PKHD1: variants seen among roughly 807,000 people sequenced by gnomAD.
PKHD1 encodes the protein fibrocystin.
In PKHD1, 291 loss-of-function variants were observed where a neutral mutation model predicts 412.0. The ratio of observed to expected loss-of-function variants is 0.71; its 90% CI spans 0.64 to 0.78. The LOEUF is 0.78. PKHD1 is among the 30% of genes least tolerant of loss of function. The probability of loss-of-function intolerance (pLI) is 0.00; values close to 1 mark genes in which losing one functional copy is unlikely to be tolerated. For missense variants in PKHD1, 4,825 were observed against 4,950.7 expected, an observed-to-expected ratio of 0.97 and a Z score of 0.76; for synonymous variants, 1,777 against 1,821.5, an observed-to-expected ratio of 0.98 and a Z score of 0.62.
rs12525771 is a variant in PKHD1 at position 51,836,635 on chromosome 6, T to C, written c.8108-166A>G. ...TAATCTAACAATTGATTTCCAACAT[T>C]TGATTTTGATTGCTTTCATTTGATT... On this transcript the variant is annotated intron_variant, in intron 50 of 66. Coordinates refer to ENST00000371117, the MANE Select transcript of PKHD1 (RefSeq NM_138694.4). 0.054 allele frequency among the ~76,000 whole-genome samples: 8,214 copies of C among 152,268 alleles called. 234 individuals are homozygous for C. Among genetic ancestry groups the C allele is most frequent in the South Asian group, 0.074 (358 of 4,820 alleles).
intron 34 of PKHD1, among the ~76,000 whole-genome samples, chr6:52,010,952 TC>T (rs1194919963): frequency 1.3e-5 from 2 of 152,110 alleles, no homozygotes; most frequent in Admixed American, 6.6e-5. Context: ...GGTCCCTAAT[TC>T]CAACTGTGAA....
chr6:51,720,798 A>C, intron 60 of PKHD1: 1 of 145,798 alleles, frequency 6.9e-6, no homozygotes, highest in Non-Finnish European at 1.5e-5. Context: ...TATATATACA[A>C]TTTATCTCTT....
intron 40 of PKHD1, among the ~76,000 whole-genome samples, chr6:51,907,111 C>A (rs1782222220): frequency 6.6e-6 from 1 of 152,032 alleles, no homozygotes; most frequent in Non-Finnish European, 1.5e-5. Context: ...CATGTATTTG[C>A]ATTCTGATGG....
chr6:51,687,912 T>A (rs547104873), intron 60 of PKHD1, among the ~76,000 whole-genome samples: 79 of 152,096 alleles, frequency 5.2e-4, no homozygotes, highest in African/African-American at 1.9e-3. Flanking sequence ...TAATACTCAG[T>A]ATCAGATTGC....
At chr6:51,803,528 A>G (rs1273827041) in intron 52 of PKHD1, among the ~76,000 whole-genome samples, 3 of 150,638 alleles carry the variant, frequency 2.0e-5, no homozygotes, top group African/African-American at 7.5e-5. Flanking sequence ...TTAATCCAAG[A>G]TGACTAGAAG....
chr6:52,018,854 TTTCTC>T (rs1259245958), intron 33 of PKHD1, among the ~76,000 whole-genome samples: 3 of 152,242 alleles, frequency 2.0e-5, no homozygotes, highest in African/African-American at 7.2e-5. Context: ...CAACTCATGT[TTTCTC>T]TTCTGTGAAA....
intron 60 of PKHD1, among the ~76,000 whole-genome samples, chr6:51,684,131 A>G (rs921143154): frequency 2.6e-5 from 4 of 152,056 alleles, no homozygotes; most frequent in Admixed American, 2.6e-4. Context: ...ATCATAGCAA[A>G]CTGAGCGGTG....
At chr6:51,671,742 CTGTT>C (rs940212420) in intron 60 of PKHD1, among the ~76,000 whole-genome samples, 16 of 152,248 alleles carry the variant, frequency 1.1e-4, no homozygotes, top group East Asian at 5.8e-4. Flanking sequence ...GATGTCCTTT[CTGTT>C]TGTTAGTTTT....
chr6:51,896,518 C>T (rs1481434230), intron 43 of PKHD1, among the ~76,000 whole-genome samples: 1 of 151,840 alleles, frequency 6.6e-6, no homozygotes, highest in Non-Finnish European at 1.5e-5. Flanking sequence ...ATCTGTACAT[C>T]ACCATCATCA....
At chr6:51,981,000 CTAAA>C (rs896589281) in intron 35 of PKHD1, among the ~76,000 whole-genome samples, 8 of 151,998 alleles carry the variant, frequency 5.3e-5, no homozygotes, top group African/African-American at 1.7e-4. Flanking sequence ...TTTAAAATGT[CTAAA>C]TAAACTGTTG....
chr6:51,620,253 C>T (rs1164230989), intron 66 of PKHD1, among the ~76,000 whole-genome samples: 1 of 152,140 alleles, frequency 6.6e-6, no homozygotes, highest in African/African-American at 2.4e-5. Context: ...TCCTCTTTGA[C>T]ATTTTATTTG....
intron 53 of PKHD1, among the ~76,000 whole-genome samples, chr6:51,784,011 A>G (rs1233502706): frequency 6.6e-6 from 1 of 152,226 alleles, no homozygotes; most frequent in African/African-American, 2.4e-5. Context: ...CCATTCACTT[A>G]TATATACATT....
At chr6:52,039,584 G>A (rs986890368) in intron 27 of PKHD1, among the ~76,000 whole-genome samples, 9 of 152,144 alleles carry the variant, frequency 5.9e-5, no homozygotes, top group Middle Eastern at 3.4e-3. Flanking sequence ...TAAACTTTCC[G>A]GTCTCAGGTA....
intron 60 of PKHD1, among the ~76,000 whole-genome samples, chr6:51,691,312 C>A (rs552979814): frequency 6.6e-6 from 1 of 152,182 alleles, no homozygotes; most frequent in South Asian, 2.1e-4. Context: ...TGGGTATATA[C>A]CCAAAGGAAT....
At chr6:52,060,952 C>T (rs1000412629) in intron 14 of PKHD1, among the ~76,000 whole-genome samples, 1 of 151,934 alleles carries the variant, frequency 6.6e-6, no homozygotes, top group Non-Finnish European at 1.5e-5. Context: ...TAGTTACTAC[C>T]TGGCTTGTGG....
At chr6:51,847,671 C>T in intron 50 of PKHD1, 104 bp downstream of exon 50, 2 of 873,716 alleles carry the variant, frequency 2.3e-6, no homozygotes, top group Non-Finnish European at 3.8e-6. Flanking sequence ...ACAGCTGTCC[C>T]TTTCAGTTCC....
chr6:52,024,766 T>C lies in PKHD1; in HGVS notation c.5044A>G (p.Asn1682Asp), dbSNP rs539287047. The C allele has an allele frequency of 6.2e-7, 1 of 1,614,202 alleles. No homozygotes were observed. Among genetic ancestry groups the C allele is most frequent in the South Asian group, 1.1e-5 (1 of 91,084 alleles). Residue 1682 changes from asparagine (N) to aspartate (D), a missense_variant, in exon 32 of 67, where the codon AAC (asparagine) becomes GAC (aspartate). Asn to Asp is a conservative substitution (Grantham distance 23). Transcript: ENST00000371117. ...FAVAQISGAA[N>D]IDIFIGMSPC... ...GACATTCCTATAAAAATGTCAATGT[T>C]TGCAGCTCCTGAGATCTGGGCCACT...
intron 36 of PKHD1, among the ~76,000 whole-genome samples, chr6:51,952,848 T>C (rs918825108): frequency 6.6e-6 from 1 of 152,186 alleles, no homozygotes; most frequent in African/African-American, 2.4e-5. Context: ...CTGCCAAATA[T>C]AGGAAGAAAA....
chr6:51,745,025 C>T (rs146291345), intron 59 of PKHD1, among the ~76,000 whole-genome samples: 19 of 152,152 alleles, frequency 1.2e-4, no homozygotes, highest in Non-Finnish European at 2.4e-4. Flanking sequence ...TGGCACTGCA[C>T]TTTCAGAATT....
Sources: gnomAD v4.1 joint callset for allele counts (sites outside exome capture counted in the v4.1 genomes callset) on GRCh38, gnomAD v4.1.1 for gene constraint, MANE v1.5 for transcripts, NCBI Gene and HGNC (gene_info 2026-07-23, HGNC 2026-07-21) for gene names.